SNED1: variants seen among roughly 807,000 people sequenced by gnomAD.
SNED1 encodes the protein sushi, nidogen and EGF like domains 1, also known as sushi, nidogen and EGF-like domain-containing protein 1.
A neutral mutation model predicts 166.7 loss-of-function variants in SNED1; 81 were observed. That is an observed-to-expected ratio of 0.49 (90% CI 0.41 to 0.58). SNED1 has a LOEUF of 0.58. SNED1 is among the 20% of genes least tolerant of loss of function. SNED1 has a pLI of 0.00. For missense variants in SNED1, 1,604 were observed against 2,000.2 expected (o/e 0.80, Z 3.78); for synonymous variants, 762 against 822.0 (o/e 0.93, Z 1.25).
chr2:241,036,061 A>AGGTGCGTCACGGGGTGGGGGCGCGTCACC (rs1553563805), intron 4 of SNED1, among the ~76,000 whole-genome samples: 2 of 7,192 alleles, frequency 2.8e-4, no homozygotes, highest in Non-Finnish European at 4.4e-4. Context: ...GGTGCGTCAC[A>AGGTGCGTCACGGGGTGGGGGCGCGTCACC]GGGTGGGGGG....
At chr2:241,035,744 AGG>A (rs1559246119) in intron 4 of SNED1, 1 of 6,310 alleles carries the variant, frequency 1.6e-4, no homozygotes, top group Non-Finnish European at 2.9e-4. Context: ...GTGGGGGATG[AGG>A]GGTAGAGAGT....
chr2:241,029,056 C>G (rs893065205), intron 1 of SNED1, among the ~76,000 whole-genome samples: 2 of 152,180 alleles, frequency 1.3e-5, no homozygotes, highest in African/African-American at 4.8e-5. Context: ...GTGCCCGTTC[C>G]AGGCTTCACC....
intron 24 of SNED1, 71 bp from the exon 25 acceptor site, chr2:241,071,505 C>T (rs2062715105): frequency 1.3e-5 from 19 of 1,516,144 alleles, no homozygotes; most frequent in Non-Finnish European, 1.7e-5. Flanking sequence ...GGGCACCACC[C>T]ATGCCACAGG....
Position 241,073,520 on chromosome 2 carries a change from A to T in SNED1, c.3916+156A>T. On this transcript the variant is annotated intron_variant, in intron 27 of 31. Coordinates refer to ENST00000310397, the MANE Select transcript of SNED1 (RefSeq NM_001080437.3). The surrounding 1 kb of genome is among the most constrained non-coding windows in gnomAD (Gnocchi z 6.6). ...GCACCAGGCACCCCGGTGTGGGAAG[A>T]TGGGGTGAAGCTACACCACCCAAGC... 4 of 689,518 alleles carry T rather than the reference A, an allele frequency of 5.8e-6. No homozygotes were observed. Among genetic ancestry groups the T allele is most frequent in the Non-Finnish European group, 1.1e-5 (4 of 379,556 alleles). 42.7% of individuals were successfully genotyped at this position (689,518 alleles called of 1,614,324 possible).
intron 21 of SNED1, among the ~76,000 whole-genome samples, chr2:241,066,946 C>G (rs1191210975): frequency 6.6e-6 from 1 of 152,230 alleles, no homozygotes; most frequent in Non-Finnish European, 1.5e-5. Flanking sequence ...ACAGAGCACA[C>G]CTCGGCCAGT....
chr2:241,036,992 G>T, intron 5 of SNED1, 77 bp downstream of exon 5: 1 of 1,507,022 alleles, frequency 6.6e-7, no homozygotes, highest in South Asian at 1.2e-5. Context: ...TCCGCCAGTG[G>T]CCCTGGGCGC....
rs1430473227 is a variant in SNED1 at position 241,063,337 on chromosome 2, C to T, written c.2372-250C>T. The T allele has an allele frequency of 4.2e-5, 23 of 547,650 alleles. No homozygotes were observed. In the East Asian group the frequency reaches 7.4e-4, roughly 18 times the overall value. 33.9% of individuals were successfully genotyped at this position (547,650 alleles called of 1,614,324 possible). A position where few individuals can be genotyped will look rare whatever the true frequency, so the allele number is the denominator to read the frequency against. On this transcript the variant is annotated intron_variant, in intron 17 of 31. Coordinates refer to ENST00000310397, the MANE Select transcript of SNED1 (RefSeq NM_001080437.3). Reference sequence around the variant, plus strand: ...GTGCCCAGTCGTGGCCCTGGGGAGCCTCCCATTGCGGAGTGGCCTGGAGGA... The same window carrying T: ...GTGCCCAGTCGTGGCCCTGGGGAGCTTCCCATTGCGGAGTGGCCTGGAGGA...
chr2:241,066,517 C>T (rs897441577), intron 21 of SNED1, among the ~76,000 whole-genome samples: 5 of 152,270 alleles, frequency 3.3e-5, no homozygotes, highest in African/African-American at 9.6e-5. Flanking sequence ...GACTCTCACC[C>T]AACATGCCTG....
chr2:241,072,687 AGGAGAG>A (rs1461362677), intron 26 of SNED1: 6 of 201,926 alleles, frequency 3.0e-5, no homozygotes, highest in African/African-American at 1.4e-4. Context: ...AAGGTGTCTG[AGGAGAG>A]GGCAGGCAGC....
chr2:241,011,276 G>T (rs566954183), intron 1 of SNED1, among the ~76,000 whole-genome samples: 55 of 150,606 alleles, frequency 3.7e-4, no homozygotes, highest in Non-Finnish European at 2.5e-4. Flanking sequence ...GGTCTCCTGG[G>T]TCTCCTGGGT....
intron 1 of SNED1, among the ~76,000 whole-genome samples, chr2:241,026,103 C>T (rs1335172312): frequency 1.4e-5 from 2 of 146,728 alleles, no homozygotes; most frequent in Admixed American, 7.1e-5. Flanking sequence ...GCAACCTCCG[C>T]CTCCCGGGTT....
chr2:241,072,976 G>A lies in SNED1; in HGVS notation c.3818-290G>A, dbSNP rs77193759. The A allele has an allele frequency of 0.012, 5,483 of 455,540 alleles. 322 individuals are homozygous for A. The East Asian group carries it at 0.13, about 11-fold the overall frequency. The allele number at this position is 455,540 out of a possible 1,614,324, so 28.2% of individuals were successfully genotyped here. ...TAAGAAGAAAGCAACCGCATCAGCC[G>A]TGAGGATGGGGCCTCTCAGCATGAT... On this transcript the variant is annotated intron_variant, in intron 26 of 31. Transcript: ENST00000310397.
chr2:241,005,590 T>C (rs779512021), intron 1 of SNED1, among the ~76,000 whole-genome samples: 17 of 152,146 alleles, frequency 1.1e-4, no homozygotes, highest in Non-Finnish European at 2.2e-4. Context: ...GCATAAATTA[T>C]CACTGTTTTT....
chr2:241,040,361 G>A lies in SNED1; in HGVS notation c.1221G>A (p.Gly407=). The A allele has an allele frequency of 6.2e-7, 1 of 1,609,134 alleles. No homozygotes were observed. Among genetic ancestry groups the A allele is most frequent in the Admixed American group, 1.7e-5 (1 of 59,374 alleles). The change falls in exon 8 of 32, where the codon GGG becomes GGA. Residue 407 remains glycine (G), a synonymous_variant. Coordinates refer to ENST00000310397, the MANE Select transcript of SNED1 (RefSeq NM_001080437.3). The part of the protein sequence containing the change: ...LNGGSCVDLV[G]NYTCLCAEPF... ...GAGGCTCTTGTGTTGACCTAGTGGG[G>A]AATTACACCTGCTTGTGTGCCGAGC...
At position 241,015,141 on chromosome 2, in the gene SNED1, G is replaced by A. The variant is rs372982856; in HGVS notation, c.214-15143G>A. Among the ~76,000 whole-genome samples the A allele has an allele frequency of 1.4e-4, 22 of 152,306 alleles. No homozygotes were observed. In the South Asian group the frequency reaches 1.7e-3, roughly 11 times the overall value. ...AATTGGCTTATCAAGTTACACACAC[G>A]TATACACACACCTGTTGTGATATTT... On this transcript the variant is annotated intron_variant, in intron 1 of 31. Coordinates refer to ENST00000310397, the MANE Select transcript of SNED1 (RefSeq NM_001080437.3).
At chr2:241,076,037 TC>T (rs1480462857) in intron 27 of SNED1, among the ~76,000 whole-genome samples, 1 of 152,238 alleles carries the variant, frequency 6.6e-6, no homozygotes, top group Non-Finnish European at 1.5e-5. Context: ...TGCCCTGTGT[TC>T]ACTCTAACTT....
At chr2:241,087,234 A>G (rs13411556) in intron 29 of SNED1, 158 bp from the exon 30 acceptor site, 77,485 of 619,280 alleles carry the variant, frequency 0.13, 6,749 homozygotes, top group African/African-American at 0.34. Flanking sequence ...TATGTTAGAC[A>G]TTTTAATACA....
chr2:241,040,042 G>C (rs1010290014), intron 6 of SNED1, 33 bp from the exon 7 acceptor site: 4 of 1,495,560 alleles, frequency 2.7e-6, no homozygotes, highest in South Asian at 1.2e-5. Context: ...ATAACTGGGA[G>C]TCCATCGTCC....
chr2:241,052,100 A>G lies in SNED1; in HGVS notation c.1912A>G (p.Ile638Val). ...CAACGGCGGCACCTGCTTCCACTAC[A>G]TTGGCAAATACAAGTGTGACTGTCC... ...CHNGGTCFHYIGKYKCDCPPG... is the reference protein window; with the variant it reads ...CHNGGTCFHYVGKYKCDCPPG... Residue 638 changes from isoleucine (I) to valine (V), a missense_variant, in exon 14 of 32, where the codon ATT (isoleucine) becomes GTT (valine). By Grantham distance (29) the Ile-to-Val change is conservative. Coordinates refer to ENST00000310397, the MANE Select transcript of SNED1 (RefSeq NM_001080437.3). 1 of 1,613,804 alleles carries G rather than the reference A, an allele frequency of 6.2e-7. No homozygotes were observed. Among genetic ancestry groups the G allele is most frequent in the Non-Finnish European group, 8.5e-7 (1 of 1,179,834 alleles).
Sources: allele counts gnomAD v4.1 joint callset (sites outside exome capture counted in the v4.1 genomes callset), GRCh38; gene constraint gnomAD v4.1.1; non-coding constraint Gnocchi (gnomAD v3.1); transcripts MANE v1.5; gene names NCBI Gene and HGNC (gene_info 2026-07-23, HGNC 2026-07-21).